KAZN: variants seen among roughly 807,000 people sequenced by gnomAD.
KAZN encodes kazrin, periplakin interacting protein, also known as kazrin.
In KAZN, 40 loss-of-function variants were observed where a neutral mutation model predicts 87.4. The ratio of observed to expected loss-of-function variants is 0.46; its 90% CI spans 0.36 to 0.60. KAZN has a LOEUF of 0.60. KAZN is among the 20% of genes least tolerant of loss of function. The pLI is 0.00. For missense variants in KAZN, 898 were observed against 1,073.9 expected (o/e 0.84, Z 2.29); for synonymous variants, 466 against 458.3 (o/e 1.02, Z -0.22).
intron 1 of KAZN, among the ~76,000 whole-genome samples, chr1:14,132,756 G>A (rs1286370149): frequency 2.0e-5 from 3 of 152,104 alleles, no homozygotes; most frequent in African/African-American, 7.2e-5. Context: ...ATACATGACA[G>A]CCCCTCACAT....
intron 1 of KAZN, among the ~76,000 whole-genome samples, chr1:14,840,161 G>A (rs1487345435): frequency 6.6e-6 from 1 of 152,124 alleles, no homozygotes; most frequent in Non-Finnish European, 1.5e-5. Context: ...TAGAGTCCAG[G>A]AGAGGTCTTG....
At chr1:14,027,105 C>T (rs1425345058) in intron 1 of KAZN, among the ~76,000 whole-genome samples, 1 of 152,184 alleles carries the variant, frequency 6.6e-6, no homozygotes, top group Non-Finnish European at 1.5e-5. Context: ...ACACTTTATC[C>T]AAAGGACAGC....
intron 1 of KAZN, among the ~76,000 whole-genome samples, chr1:13,900,020 A>T (rs1639188589): frequency 6.6e-6 from 1 of 152,144 alleles, no homozygotes; most frequent in Admixed American, 6.5e-5. Flanking sequence ...CCATATCATT[A>T]GTCATTTTAT....
At chr1:14,625,751 T>C (rs1400647055) in intron 1 of KAZN, among the ~76,000 whole-genome samples, 1 of 152,188 alleles carries the variant, frequency 6.6e-6, no homozygotes, top group Non-Finnish European at 1.5e-5. Context: ...GGCGGGAGGT[T>C]TGTGCGTTGG....
At chr1:14,563,875 T>TTTTTTTTTTTTTTTTG in intron 2 of KAZN, among the ~76,000 whole-genome samples, 1 of 58,426 alleles carries the variant, frequency 1.7e-5, no homozygotes. Flanking sequence ...TTCAAACTCC[T>TTTTTTTTTTTTTTTTG]TTTTTTTTTT....
At chr1:14,075,238 G>A (rs1464269062) in intron 1 of KAZN, among the ~76,000 whole-genome samples, 2 of 152,162 alleles carry the variant, frequency 1.3e-5, no homozygotes, top group East Asian at 3.8e-4. Flanking sequence ...TCATTTAAAT[G>A]TTAATTTTAA....
chr1:15,004,403 C>A (rs537760274), intron 2 of KAZN, among the ~76,000 whole-genome samples: 30 of 152,196 alleles, frequency 2.0e-4, no homozygotes, highest in Admixed American at 3.9e-4. Flanking sequence ...AGAAAGAATA[C>A]TCCAGAGTCT....
intron 1 of KAZN, among the ~76,000 whole-genome samples, chr1:13,998,157 C>A (rs2101132023): frequency 6.6e-6 from 1 of 152,222 alleles, no homozygotes. Context: ...AAAATCCTTT[C>A]CAGAGAAAAA....
intron 2 of KAZN, among the ~76,000 whole-genome samples, chr1:14,475,156 T>C (rs1347890053): frequency 1.3e-5 from 2 of 151,992 alleles, no homozygotes; most frequent in Admixed American, 1.3e-4. Context: ...GATGGATGGA[T>C]GGATGGATAG....
chr1:14,345,373 A>G (rs944024936), intron 2 of KAZN, among the ~76,000 whole-genome samples: 2 of 139,014 alleles, frequency 1.4e-5, no homozygotes, highest in African/African-American at 5.0e-5. Flanking sequence ...AGACCTAAAC[A>G]TCTGCATTTC....
In KAZN at chr1:14,416,364, A is replaced by G. The variant is rs374987107; in HGVS notation, c.250-182619A>G. Among the ~76,000 whole-genome samples, 3 of 152,324 alleles carry G rather than the reference A, an allele frequency of 2.0e-5. No homozygotes were observed. In the South Asian group the frequency reaches 6.2e-4, roughly 32 times the overall value. On this transcript the variant is annotated intron_variant, in intron 2 of 16. Coordinates refer to the KAZN transcript ENST00000636203. ...ACTAGAGAGTGACTTCTTGATACAG[A>G]ATCAAGTAACAGTTGGGTTTCTGCA...
intron 2 of KAZN, among the ~76,000 whole-genome samples, chr1:14,558,040 C>T (rs1247043141): frequency 6.6e-6 from 1 of 152,222 alleles, no homozygotes; most frequent in East Asian, 1.9e-4. Flanking sequence ...CTCCCCAGAT[C>T]ACAGTGCCAC....
chr1:14,292,716 G>A (rs1051185489), intron 2 of KAZN, among the ~76,000 whole-genome samples: 4 of 152,182 alleles, frequency 2.6e-5, no homozygotes, highest in Non-Finnish European at 5.9e-5. Context: ...TTTCATCTGC[G>A]TGTTGGTGCA....
chr1:14,340,320 C>T (rs1226089361), intron 2 of KAZN, among the ~76,000 whole-genome samples: 1 of 152,204 alleles, frequency 6.6e-6, no homozygotes, highest in East Asian at 1.9e-4. Context: ...TTGAGAAGAT[C>T]ACTTTATATA....
At chr1:14,500,883 G>A (rs1670201851) in intron 2 of KAZN, among the ~76,000 whole-genome samples, 1 of 151,972 alleles carries the variant, frequency 6.6e-6, no homozygotes, top group Admixed American at 6.6e-5. Flanking sequence ...ACAAACTACA[G>A]AAACTGACTC....
chr1:14,340,718 G>A (rs1657618164), intron 2 of KAZN, among the ~76,000 whole-genome samples: 1 of 152,144 alleles, frequency 6.6e-6, no homozygotes, highest in African/African-American at 2.4e-5. Context: ...GAAGGAGCCA[G>A]TTTTGCCTTC....
At chr1:13,958,997 C>G (rs938398398) in intron 1 of KAZN, among the ~76,000 whole-genome samples, 1 of 152,166 alleles carries the variant, frequency 6.6e-6, no homozygotes, top group Admixed American at 6.5e-5. Context: ...CCCTGTTGAT[C>G]ATGCCTGTGG....
At chr1:14,078,681 G>T (rs1003703042) in intron 1 of KAZN, among the ~76,000 whole-genome samples, 2 of 151,546 alleles carry the variant, frequency 1.3e-5, no homozygotes, top group African/African-American at 4.8e-5. Flanking sequence ...GCTCTCTGGG[G>T]CCTCTCTTTT....
At chr1:14,635,604 C>T (rs1405829715) in intron 1 of KAZN, among the ~76,000 whole-genome samples, 1 of 152,178 alleles carries the variant, frequency 6.6e-6, no homozygotes, top group East Asian at 1.9e-4. Flanking sequence ...TTAGGCTGCC[C>T]CGAGCAATTC....
Sources: gnomAD v4.1 joint callset for allele counts (sites outside exome capture counted in the v4.1 genomes callset) on GRCh38, gnomAD v4.1.1 for gene constraint, MANE v1.5 for transcripts, NCBI Gene and HGNC (gene_info 2026-07-23, HGNC 2026-07-21) for gene names.